PCDH15: variants seen among roughly 807,000 people sequenced by gnomAD.
PCDH15 encodes the protein protocadherin related 15.
Under a neutral mutation model 178.5 loss-of-function variants are expected in PCDH15, and 129 were observed. The observed-to-expected ratio is 0.72, with a 90% CI of 0.63 to 0.84. The LOEUF (loss-of-function observed/expected upper bound fraction) is 0.84, where lower values mean the gene tolerates loss of function less well. Ranked by LOEUF, PCDH15 falls within the 40% of genes least tolerant of loss-of-function variation. The pLI, the probability that PCDH15 is intolerant of heterozygous loss-of-function variation, is 0.00. For synonymous variants in PCDH15, 800 were observed against 732.0 expected (o/e 1.09, Z -1.50); for missense variants, 2,230 against 2,099.9 (o/e 1.06, Z -1.21).
intron 11 of PCDH15, among the ~76,000 whole-genome samples, chr10:54,186,571 A>G (rs2133829525): frequency 6.6e-6 from 1 of 152,134 alleles, no homozygotes; most frequent in Non-Finnish European, 1.5e-5. Context: ...ATTCTGTAGT[A>G]GCTTCTATGT....
chr10:54,956,435 A>G (rs1838489060), intron 2 of PCDH15, among the ~76,000 whole-genome samples: 1 of 151,490 alleles, frequency 6.6e-6, no homozygotes, highest in African/African-American at 2.4e-5. Flanking sequence ...TGCAAACTCA[A>G]AACTATGCAA....
chr10:55,399,638 T>G (rs1838017284), intron 2 of PCDH15, among the ~76,000 whole-genome samples: 1 of 152,104 alleles, frequency 6.6e-6, no homozygotes, highest in South Asian at 2.1e-4. Flanking sequence ...AATGCATACT[T>G]GATTTAGTGG....
chr10:55,480,404 A>G (rs1202820186), intron 2 of PCDH15, among the ~76,000 whole-genome samples: 1 of 151,570 alleles, frequency 6.6e-6, no homozygotes, highest in Non-Finnish European at 1.5e-5. Context: ...CTTTTTGTTG[A>G]GCCAGTTTTC....
At chr10:54,132,483 C>A (rs1247652933) in intron 15 of PCDH15, among the ~76,000 whole-genome samples, 2 of 152,068 alleles carry the variant, frequency 1.3e-5, no homozygotes, top group East Asian at 3.9e-4. Context: ...AAGTTAATTC[C>A]CCTACACAAG....
At chr10:53,823,148 A>C (rs2076417488) in intron 32 of PCDH15, 2 of 1,613,848 alleles carry the variant, frequency 1.2e-6, no homozygotes, top group East Asian at 4.5e-5. Context: ...TATAAAGGGG[A>C]TTATGGGCAC....
chr10:54,802,026 G>T (rs1256447323), upstream of PCDH15, among the ~76,000 whole-genome samples: 1 of 152,178 alleles, frequency 6.6e-6, no homozygotes, highest in Admixed American at 6.5e-5. Flanking sequence ...GAGCATATGA[G>T]AAGGAAGGAT....
chr10:54,218,340 A>C (rs2052346821), intron 9 of PCDH15, among the ~76,000 whole-genome samples: 1 of 152,308 alleles, frequency 6.6e-6, no homozygotes, highest in Non-Finnish European at 1.5e-5. Context: ...TTAATTCAAC[A>C]TCATCTGCTA....
In PCDH15 at chr10:54,068,957, G is replaced by A. The variant is rs1357308670; in HGVS notation, c.2092-2072C>T. On this transcript the variant is annotated intron_variant, in intron 17 of 37. Coordinates refer to ENST00000644397, the MANE Select transcript of PCDH15 (RefSeq NM_001384140.1). ...AAGAAATTCAAGTGCTACTTGACTA[G>A]ATGGAATCCAGATCATTTCATTTTC... Among the ~76,000 whole-genome samples, 3 of 152,166 alleles carry A rather than the reference G, an allele frequency of 2.0e-5. No individual in the cohort carries two copies. The South Asian group carries it at 6.2e-4, about 32-fold the overall frequency.
In PCDH15 at chr10:54,515,647, C is replaced by A. The variant is rs531298966; in HGVS notation, c.157+12165G>T. 6.6e-5 allele frequency among the ~76,000 whole-genome samples: 10 copies of A among 152,316 alleles called. No individual in the cohort carries two copies. The South Asian group carries it at 2.1e-3, about 32-fold the overall frequency. On this transcript the variant is annotated intron_variant, in intron 3 of 37. Transcript: ENST00000644397. ...GAAGAGAGTAGTGGTTCTCCCAGCA[C>A]GCAGCTGGAGATCTGAGAATGGGCA...
At chr10:55,524,134 T>G (rs1234881561) in intron 2 of PCDH15, among the ~76,000 whole-genome samples, 1 of 151,560 alleles carries the variant, frequency 6.6e-6, no homozygotes, top group Non-Finnish European at 1.5e-5. Context: ...TTTATTACCA[T>G]GAAATTGAAA....
chr10:53,934,907 G>C (rs2085432126), intron 25 of PCDH15, among the ~76,000 whole-genome samples: 1 of 149,368 alleles, frequency 6.7e-6, no homozygotes, highest in African/African-American at 2.5e-5. Flanking sequence ...CTTGTGGCCA[G>C]TAACACCAGA....
chr10:55,504,324 G>T (rs181402350), intron 2 of PCDH15, among the ~76,000 whole-genome samples: 1 of 151,302 alleles, frequency 6.6e-6, no homozygotes, highest in East Asian at 2.0e-4. Flanking sequence ...ATCTAAAACT[G>T]CTCTAAAAAT....
intron 3 of PCDH15, among the ~76,000 whole-genome samples, chr10:54,524,726 C>G (rs2083215155): frequency 6.6e-6 from 1 of 152,210 alleles, no homozygotes; most frequent in Non-Finnish European, 1.5e-5. Flanking sequence ...AAATTACATA[C>G]TAAATACGCT....
At chr10:54,731,984 G>T (rs1433449665) in intron 1 of PCDH15, among the ~76,000 whole-genome samples, 1 of 150,748 alleles carries the variant, frequency 6.6e-6, no homozygotes, top group African/African-American at 2.4e-5. Flanking sequence ...ATATTTAATG[G>T]ATATCTCAAT....
At chr10:54,105,275 G>GATATATAT (rs1491261944) in intron 15 of PCDH15, among the ~76,000 whole-genome samples, 2 of 47,836 alleles carry the variant, frequency 4.2e-5, no homozygotes, top group East Asian at 1.2e-3. Context: ...CATATAGATG[G>GATATATAT]AGATATATAT....
At chr10:54,849,118 G>T (rs1409940687) in intron 3 of PCDH15, among the ~76,000 whole-genome samples, 1 of 151,876 alleles carries the variant, frequency 6.6e-6, no homozygotes, top group African/African-American at 2.4e-5. Flanking sequence ...GCTAAAGATT[G>T]CTTTGTTTCT....
At chr10:54,522,954 C>G (rs1013559840) in intron 3 of PCDH15, among the ~76,000 whole-genome samples, 1 of 152,056 alleles carries the variant, frequency 6.6e-6, no homozygotes, top group African/African-American at 2.4e-5. Context: ...TACTCAAAAC[C>G]AACTTAAGAA....
chr10:54,963,637 A>C (rs988891586), intron 2 of PCDH15, among the ~76,000 whole-genome samples: 6 of 152,230 alleles, frequency 3.9e-5, no homozygotes, highest in Non-Finnish European at 5.9e-5. Flanking sequence ...TCCAACTGAA[A>C]GTTATCACCA....
chr10:55,548,127 T>C (rs1440706238), intron 2 of PCDH15, among the ~76,000 whole-genome samples: 1 of 151,496 alleles, frequency 6.6e-6, no homozygotes, highest in African/African-American at 2.4e-5. Context: ...TTTCTCCACC[T>C]ATTTGAGACA....
Sources: allele counts gnomAD v4.1 joint callset (sites outside exome capture counted in the v4.1 genomes callset), GRCh38; gene constraint gnomAD v4.1.1; transcripts MANE v1.5; gene names NCBI Gene and HGNC (gene_info 2026-07-23, HGNC 2026-07-21).